Variants in NPSR1 observed in about 807,000 individuals in gnomAD.
The protein encoded by NPSR1 is neuropeptide S receptor.
Under a neutral mutation model 46.9 loss-of-function variants are expected in NPSR1, and 48 were observed. That is an observed-to-expected ratio of 1.02 (90% CI 0.81 to 1.30). The LOEUF is 1.30. NPSR1 is among the 50% of genes most tolerant of loss of function. NPSR1 has a pLI of 0.00. For missense variants in NPSR1, 450 were observed against 449.5 expected, an observed-to-expected ratio of 1.00 and a Z score of -0.01; for synonymous variants, 176 against 168.1, an observed-to-expected ratio of 1.05 and a Z score of -0.36.
intron 8 of NPSR1, among the ~76,000 whole-genome samples, chr7:34,857,899 A>G (rs1791086081): frequency 6.6e-6 from 1 of 151,800 alleles, no homozygotes; most frequent in Non-Finnish European, 1.5e-5. Context: ...GGCAAGAATT[A>G]ACTTCAGAAA....
intron 2 of NPSR1, among the ~76,000 whole-genome samples, chr7:34,687,569 G>A (rs1451531282): frequency 6.6e-6 from 1 of 152,142 alleles, no homozygotes; most frequent in African/African-American, 2.4e-5. Context: ...ATCAGATCTT[G>A]TGAGACTCAC....
At chr7:34,690,093 A>G (rs969997348) in intron 2 of NPSR1, among the ~76,000 whole-genome samples, 1 of 152,170 alleles carries the variant, frequency 6.6e-6, no homozygotes, top group African/African-American at 2.4e-5. Context: ...GTACACGGCT[A>G]CTACAACCAG....
At chr7:34,848,273 T>C (rs1562771484) in intron 7 of NPSR1, among the ~76,000 whole-genome samples, 1 of 152,220 alleles carries the variant, frequency 6.6e-6, no homozygotes. Context: ...TGCTCAGTTT[T>C]AGGAACATGT....
intron 3 of NPSR1, among the ~76,000 whole-genome samples, chr7:34,791,141 ATATAATATG>A (rs1347588449): frequency 8.7e-5 from 11 of 125,940 alleles, no homozygotes; most frequent in Middle Eastern, 7.5e-3. Context: ...TATATATTAT[ATATAATATG>A]TTATATATTA....
At position 34,783,760 on chromosome 7, in the gene NPSR1, C is replaced by T. The variant is rs191117632; in HGVS notation, c.384+5195C>T. Among the ~76,000 whole-genome samples, 13 of 151,852 alleles carry T rather than the reference C, an allele frequency of 8.6e-5. No homozygotes were observed. In the East Asian group the frequency reaches 2.5e-3, roughly 29 times the overall value. The stretch of plus-strand genomic sequence containing the variant: ...AAAACAGAGAAAATCCTGATAACAG[C>T]AAGAGAGAAGAGGCAAATCACATAT... On this transcript the variant is annotated intron_variant, in intron 3 of 8. Coordinates refer to ENST00000360581, the MANE Select transcript of NPSR1 (RefSeq NM_207172.2).
intron 2 of NPSR1, among the ~76,000 whole-genome samples, chr7:34,694,487 A>G (rs1048806213): frequency 7.9e-5 from 12 of 152,234 alleles, no homozygotes; most frequent in African/African-American, 2.9e-4. Context: ...CTACAAGGAC[A>G]ACTACAAAAA....
intron 2 of NPSR1, among the ~76,000 whole-genome samples, chr7:34,708,172 C>T (rs773183179): frequency 2.6e-5 from 4 of 152,110 alleles, no homozygotes; most frequent in African/African-American, 7.2e-5. Flanking sequence ...TGCAATTCAG[C>T]CCATAACAAA....
downstream of NPSR1, among the ~76,000 whole-genome samples, chr7:34,850,884 G>A (rs1362670186): frequency 1.3e-5 from 2 of 152,074 alleles, no homozygotes; most frequent in Admixed American, 1.3e-4. Context: ...TATCGTTTTT[G>A]CCTGTCACAG....
rs1408488416 is a variant in NPSR1, at chr7:34,751,329, C to T, written c.281-27133C>T. The T allele has an allele frequency of 6.8e-6, 7 of 1,022,424 alleles. No individual in the cohort carries two copies. The East Asian group carries it at 1.7e-4, about 24-fold the overall frequency. The allele number at this position is 1,022,424 out of a possible 1,614,324, so 63.3% of individuals were successfully genotyped here. A position where few individuals can be genotyped will look rare whatever the true frequency, so the allele number is the denominator to read the frequency against. On this transcript the variant is annotated intron_variant, in intron 2 of 8. Coordinates refer to ENST00000360581, the MANE Select transcript of NPSR1 (RefSeq NM_207172.2). Reference sequence around the variant, plus strand: ...AGAAAGTGGTACTGATCATGCAGAACTTGCCAAGGGTAGGTGAAGCAGCTG... The same window carrying T: ...AGAAAGTGGTACTGATCATGCAGAATTTGCCAAGGGTAGGTGAAGCAGCTG...
chr7:34,727,075 T>C (rs915543819), intron 2 of NPSR1, among the ~76,000 whole-genome samples: 2 of 152,124 alleles, frequency 1.3e-5, no homozygotes, highest in African/African-American at 2.4e-5. Flanking sequence ...CATTCTGGTA[T>C]GGGATATTGA....
At chr7:34,813,110 A>G (rs572935899) in intron 4 of NPSR1, among the ~76,000 whole-genome samples, 21 of 152,256 alleles carry the variant, frequency 1.4e-4, no homozygotes, top group African/African-American at 5.1e-4. Flanking sequence ...ACACGTGTGC[A>G]TGTATACATA....
chr7:34,678,202 A>G (rs1195846102), intron 1 of NPSR1, among the ~76,000 whole-genome samples: 1 of 151,404 alleles, frequency 6.6e-6, no homozygotes, highest in Non-Finnish European at 1.5e-5. Context: ...TGGATATGAT[A>G]CAAGGCTTTG....
chr7:34,739,556 A>G (rs768980268), intron 2 of NPSR1, among the ~76,000 whole-genome samples: 5 of 152,218 alleles, frequency 3.3e-5, no homozygotes, highest in Non-Finnish European at 7.3e-5. Context: ...ATGTCACTTA[A>G]GTCCTTTGTT....
At chr7:34,868,666 C>A (rs958063297) in intron 8 of NPSR1, among the ~76,000 whole-genome samples, 2 of 151,592 alleles carry the variant, frequency 1.3e-5, no homozygotes, top group African/African-American at 2.4e-5. Flanking sequence ...GTAAGACAAA[C>A]CTTCTCCTCA....
Position 34,849,499 on chromosome 7 carries a change from CA to C in NPSR1, c.1026-65del, listed in dbSNP as rs1211713826. On this transcript the variant is annotated intron_variant, in intron 8 of 8. Coordinates refer to ENST00000360581, the MANE Select transcript of NPSR1 (RefSeq NM_207172.2). ...ATTTTTCATAACTATTGTCTCTTAA[CA>C]TGTCTACTTGCCTTTTCATTAGGTC... 4 of 1,602,932 alleles carry C rather than the reference CA, an allele frequency of 2.5e-6. No homozygotes were observed. The African/African-American group carries it at 5.4e-5, about 21-fold the overall frequency.
downstream of NPSR1, among the ~76,000 whole-genome samples, chr7:34,852,073 G>A (rs6949954): frequency 0.18 from 27,231 of 152,014 alleles, 2,738 homozygotes; most frequent in Non-Finnish European, 0.24. Context: ...TGAGGTGGGC[G>A]GATCGTGAGG....
chr7:34,823,417 C>CAAAAAAAAAAAAAAA (rs79081202), intron 4 of NPSR1, among the ~76,000 whole-genome samples: 6 of 103,958 alleles, frequency 5.8e-5, no homozygotes, highest in Admixed American at 9.7e-5. Flanking sequence ...AAAAAAAAAA[C>CAAAAAAAAAAAAAAA]AACACCATAA....
chr7:34,826,590 C>A (rs1789852342), intron 4 of NPSR1, among the ~76,000 whole-genome samples: 1 of 152,174 alleles, frequency 6.6e-6, no homozygotes, highest in African/African-American at 2.4e-5. Context: ...AACAGCTTGA[C>A]AGAAAGCATC....
In NPSR1 at chr7:34,802,253, G is replaced by A. The variant is rs150128421; in HGVS notation, c.385-9517G>A. On this transcript the variant is annotated intron_variant, in intron 3 of 8. Transcript: ENST00000360581. ...ATGGAACCAAAAAAGAGCTCACATC[G>A]CGAAGTCAATCCTAAGCCAAAAGAA... 1.0e-3 allele frequency among the ~76,000 whole-genome samples: 152 copies of A among 150,220 alleles called. 4 individuals carry two copies. Among genetic ancestry groups the A allele is most frequent in the Non-Finnish European group, 1.8e-3 (120 of 67,994 alleles).
Sources: allele counts gnomAD v4.1 joint callset (sites outside exome capture counted in the v4.1 genomes callset), GRCh38; gene constraint gnomAD v4.1.1; transcripts MANE v1.5; gene names NCBI Gene and HGNC (gene_info 2026-07-23, HGNC 2026-07-21).